The following DRAXIN variants were observed in gnomAD, a reference collection of about 807,000 sequenced individuals.
DRAXIN encodes the protein dorsal inhibitory axon guidance protein, also known as dorsal repulsive axon guidance protein.
Under a neutral mutation model 33.9 loss-of-function variants are expected in DRAXIN, and 27 were observed. That is an observed-to-expected ratio of 0.80 (90% CI 0.59 to 1.10). The LOEUF (loss-of-function observed/expected upper bound fraction) is 1.10, where lower values mean the gene tolerates loss of function less well. Among genes scored for constraint, DRAXIN ranks in the 50% least tolerant of loss-of-function variants. DRAXIN has a pLI of 0.00. For missense variants in DRAXIN, 371 were observed against 460.8 expected, an observed-to-expected ratio of 0.81 and a Z score of 1.78; for synonymous variants, 178 against 194.0, an observed-to-expected ratio of 0.92 and a Z score of 0.69.
chr1:11,702,167 A>G (rs569860435), intron 1 of DRAXIN, among the ~76,000 whole-genome samples: 2 of 151,190 alleles, frequency 1.3e-5, no homozygotes, highest in East Asian at 2.0e-4. Flanking sequence ...ACGCTCACAC[A>G]TGCTGACAAC....
At chr1:11,698,480 T>TC (rs1234737535) in intron 1 of DRAXIN, among the ~76,000 whole-genome samples, 1 of 152,176 alleles carries the variant, frequency 6.6e-6, no homozygotes, top group African/African-American at 2.4e-5. Context: ...ACTGCCCATC[T>TC]CCAATTCCTG....
At chr1:11,690,930 GTGTGTGTGTGTGTGTGTT>G (rs1641050598), upstream of DRAXIN, among the ~76,000 whole-genome samples, 1 of 92,556 alleles carries the variant, frequency 1.1e-5, no homozygotes, top group South Asian at 3.8e-4. The surrounding 1 kb of genome is among the most constrained non-coding windows in gnomAD (Gnocchi z 4.2). Context: ...CCGCGTGTGA[GTGTGTGTGTGTGTGTGTT>G]TGTGTGTGTG....
At chr1:11,712,892 A>T (rs1461632092) in intron 5 of DRAXIN, among the ~76,000 whole-genome samples, 1 of 150,350 alleles carries the variant, frequency 6.7e-6, no homozygotes, top group East Asian at 2.0e-4. Flanking sequence ...GACAAGAGGG[A>T]AACTCCATCT....
At chr1:11,693,643 C>G (rs981385361) in intron 1 of DRAXIN, among the ~76,000 whole-genome samples, 1 of 152,182 alleles carries the variant, frequency 6.6e-6, no homozygotes, top group African/African-American at 2.4e-5. Flanking sequence ...ACGACATCCC[C>G]CATCCAGGCT....
chr1:11,702,189 CA>C (rs1405207431), intron 1 of DRAXIN, among the ~76,000 whole-genome samples: 1 of 151,158 alleles, frequency 6.6e-6, no homozygotes, highest in Non-Finnish European at 1.5e-5. Flanking sequence ...CACATGCTCA[CA>C]CATACACACA....
In DRAXIN at chr1:11,712,528, T is replaced by TG. The variant is rs1455454791; in HGVS notation, c.847+100dup. The TG allele has an allele frequency of 2.1e-5, 24 of 1,156,558 alleles. No homozygotes were observed. In the Admixed American group the frequency reaches 4.4e-4, roughly 21 times the overall value. 71.6% of individuals were successfully genotyped at this position (1,156,558 alleles called of 1,614,324 possible). A position where few individuals can be genotyped will look rare whatever the true frequency, so the allele number is the denominator to read the frequency against. On this transcript the variant is annotated intron_variant, in intron 5 of 6. Transcript: ENST00000294485. ...CACATGTGCAGGACCTGAGAATCCTTGACCCTTCATGGATGATAAATAATA... is the reference window on the plus strand; with the variant it reads ...CACATGTGCAGGACCTGAGAATCCTTGGACCCTTCATGGATGATAAATAATA...
chr1:11,714,993 G>A, intron 5 of DRAXIN, 126 bp from the exon 6 acceptor site: 3 of 1,073,368 alleles, frequency 2.8e-6, no homozygotes, highest in Non-Finnish European at 4.1e-6. Flanking sequence ...CACACCAGAT[G>A]GCCCACCCCG....
intron 5 of DRAXIN, among the ~76,000 whole-genome samples, chr1:11,714,882 A>G (rs924181072): frequency 6.6e-6 from 1 of 152,186 alleles, no homozygotes; most frequent in Non-Finnish European, 1.5e-5. Context: ...CGCTCTTCCC[A>G]TGGTCAATCA....
chr1:11,715,771 A>G (rs970230907), intron 6 of DRAXIN, among the ~76,000 whole-genome samples: 6 of 151,882 alleles, frequency 4.0e-5, no homozygotes, highest in African/African-American at 1.2e-4. Context: ...ACCCCTAGAA[A>G]GGAGCTATGA....
Position 11,706,170 on chromosome 1 carries a change from A to G in DRAXIN, c.-10-79A>G, listed in dbSNP as rs1641375480. 4 of 1,326,262 alleles carry G rather than the reference A, an allele frequency of 3.0e-6. No homozygotes were observed. The Admixed American group carries it at 8.6e-5, about 29-fold the overall frequency. 82.2% of individuals were successfully genotyped at this position (1,326,262 alleles called of 1,614,324 possible). ...TGTCCCTCTATGGCTGTTGAGAAAA[A>G]CTGGGCTTTAATCATTTGAGTGAGG... is the stretch of plus-strand genomic sequence containing the variant. On this transcript the variant is annotated intron_variant, in intron 1 of 6. Coordinates refer to ENST00000294485, the MANE Select transcript of DRAXIN (RefSeq NM_198545.4). The surrounding 1 kb of genome is among the most constrained non-coding windows in gnomAD (Gnocchi z 5.5).
chr1:11,701,200 C>T (rs954592794), intron 1 of DRAXIN, among the ~76,000 whole-genome samples: 1 of 152,094 alleles, frequency 6.6e-6, no homozygotes, highest in South Asian at 2.1e-4. Flanking sequence ...CCTCTCACCG[C>T]GAGGATGAGC....
chr1:11,719,729 G>C lies in DRAXIN; in HGVS notation c.*33G>C. On this transcript the variant is annotated 3_prime_UTR_variant, in exon 7 of 7. Coordinates refer to ENST00000294485, the MANE Select transcript of DRAXIN (RefSeq NM_198545.4). ...GCGGGACTGGGGACTGAGCCCAGGA[G>C]GTTTGCACAAGCCGGGCGATTTGTT... 1 of 1,584,870 alleles carries C rather than the reference G, an allele frequency of 6.3e-7. No homozygotes were observed. The highest frequency in any genetic ancestry group is 1.1e-5 in the South Asian group (1 of 89,754).
chr1:11,716,380 C>T (rs1265629974), intron 6 of DRAXIN, among the ~76,000 whole-genome samples: 1 of 152,148 alleles, frequency 6.6e-6, no homozygotes, highest in Non-Finnish European at 1.5e-5. Context: ...TTAGTGTGTA[C>T]CTCTGAAAGA....
At chr1:11,710,475 A>G (rs960045826) in intron 3 of DRAXIN, among the ~76,000 whole-genome samples, 2 of 152,002 alleles carry the variant, frequency 1.3e-5, no homozygotes. Flanking sequence ...AGCCTGGGCG[A>G]CAGAGTGAGA....
chr1:11,713,137 G>A (rs1383744055), intron 5 of DRAXIN, among the ~76,000 whole-genome samples: 1 of 151,898 alleles, frequency 6.6e-6, no homozygotes, highest in Non-Finnish European at 1.5e-5. Flanking sequence ...GGCGGAGGTT[G>A]TGGTGAGCTG....
Position 11,724,045 on chromosome 1 carries a change from T to C in DRAXIN, c.*4349T>C, listed in dbSNP as rs1186858626. 1.3e-5 allele frequency: 2 copies of C among 152,220 alleles called. No individual in the cohort carries two copies. 9.4% of individuals were successfully genotyped at this position (152,220 alleles called of 1,614,324 possible). On this transcript the variant is annotated 3_prime_UTR_variant, in exon 7 of 7. Coordinates refer to ENST00000294485, the MANE Select transcript of DRAXIN (RefSeq NM_198545.4). ...CTCTGAGATCATTTCTAAGTCACCA[T>C]TCAAGCTCCTTCCCCAAAGTGTGTT...
rs1431928229 is a variant in DRAXIN, at chr1:11,711,768, T to G, written c.643-83T>G. On this transcript the variant is annotated intron_variant, in intron 3 of 6. Transcript: ENST00000294485. Reference sequence around the variant, plus strand: ...TAAGGTGGCCTCTGAGAAGCCTCTTTTTTGTCCTCTGACCTTGGGACTCCA... The same window carrying G: ...TAAGGTGGCCTCTGAGAAGCCTCTTGTTTGTCCTCTGACCTTGGGACTCCA... 3 of 1,338,578 alleles carry G rather than the reference T, an allele frequency of 2.2e-6. No individual in the cohort carries two copies. In the East Asian group the frequency reaches 7.5e-5, roughly 34 times the overall value. The allele number at this position is 1,338,578 out of a possible 1,614,324, so 82.9% of individuals were successfully genotyped here.
intron 1 of DRAXIN, among the ~76,000 whole-genome samples, chr1:11,698,533 A>G (rs1215681339): frequency 6.6e-6 from 1 of 152,182 alleles, no homozygotes; most frequent in East Asian, 1.9e-4. Flanking sequence ...GAGTAGCCAG[A>G]GGGAAAAGTT....
upstream of DRAXIN, among the ~76,000 whole-genome samples, chr1:11,690,929 A>AGT (rs57223755): frequency 0.038 from 5,778 of 150,620 alleles, 208 homozygotes; most frequent in African/African-American, 0.087. This position sits in a 1 kb window ranked among gnomAD's most constrained non-coding sequence, Gnocchi z 4.2. Flanking sequence ...GCCGCGTGTG[A>AGT]GTGTGTGTGT....
Sources: allele counts gnomAD v4.1 joint callset (sites outside exome capture counted in the v4.1 genomes callset), GRCh38; gene constraint gnomAD v4.1.1; non-coding constraint Gnocchi (gnomAD v3.1); transcripts MANE v1.5; gene names NCBI Gene and HGNC (gene_info 2026-07-23, HGNC 2026-07-21).